The following NELL1 variants were observed in gnomAD, a reference collection of about 807,000 sequenced individuals.
The protein encoded by NELL1 is protein kinase C-binding protein NELL1.
A neutral mutation model predicts 107.4 loss-of-function variants in NELL1; 76 were observed. That is an observed-to-expected ratio of 0.71 (90% CI 0.59 to 0.86). The LOEUF (loss-of-function observed/expected upper bound fraction) is 0.86, where lower values mean the gene tolerates loss of function less well. Among genes scored for constraint, NELL1 ranks in the 40% least tolerant of loss-of-function variants. The pLI is 0.00. For synonymous variants in NELL1, 353 were observed against 341.2 expected, an observed-to-expected ratio of 1.03 and a Z score of -0.38; for missense variants, 1,024 against 1,005.5, an observed-to-expected ratio of 1.02 and a Z score of -0.25.
chr11:21,303,153 A>G (rs190498886), intron 14 of NELL1, among the ~76,000 whole-genome samples: 49 of 152,100 alleles, frequency 3.2e-4, no homozygotes, highest in Non-Finnish European at 6.8e-4. Context: ...ACATATATAG[A>G]TAGATAAATA....
At chr11:20,998,369 T>C (rs1019147727) in intron 12 of NELL1, among the ~76,000 whole-genome samples, 1 of 152,224 alleles carries the variant, frequency 6.6e-6, no homozygotes, top group African/African-American at 2.4e-5. Context: ...TAACATAAGC[T>C]TTTTTTCATT....
intron 13 of NELL1, among the ~76,000 whole-genome samples, chr11:21,184,322 G>T (rs147344475): frequency 0.014 from 2,111 of 151,878 alleles, 38 homozygotes; most frequent in Admixed American, 0.041. Flanking sequence ...AGGCTGGAGT[G>T]CAGTGGCACC....
In NELL1 at chr11:20,669,640, C is replaced by T. The variant is rs574830352; in HGVS notation, c.-84C>T. On this transcript the variant is annotated 5_prime_UTR_variant, in exon 1 of 20. Transcript: ENST00000357134. This position sits in a 1 kb window ranked among gnomAD's most constrained non-coding sequence, Gnocchi z 4.4. ...CGCCCGCTAGCAAGTTTGGCGGCTC[C>T]AAGCCAGGCGCGCCTCAGGATCCAG... The T allele has an allele frequency of 2.4e-6, 3 of 1,265,944 alleles. No individual in the cohort carries two copies. The highest frequency in any genetic ancestry group is 1.5e-5 in the African/African-American group (1 of 67,104). 78.4% of individuals were successfully genotyped at this position (1,265,944 alleles called of 1,614,324 possible). A position where few individuals can be genotyped will look rare whatever the true frequency, so the allele number is the denominator to read the frequency against.
chr11:21,106,709 A>G (rs1854978148), intron 12 of NELL1, among the ~76,000 whole-genome samples: 1 of 152,150 alleles, frequency 6.6e-6, no homozygotes, highest in Non-Finnish European at 1.5e-5. Flanking sequence ...TGGTTTGCAT[A>G]TATATTTTTT....
At chr11:20,793,908 A>C (rs550705336) in intron 3 of NELL1, among the ~76,000 whole-genome samples, 38 of 152,286 alleles carry the variant, frequency 2.5e-4, no homozygotes, top group African/African-American at 8.7e-4. Flanking sequence ...ATACATTTAA[A>C]AATAATGGAT....
At chr11:20,787,055 A>AAGAG (rs1366419576) in intron 3 of NELL1, among the ~76,000 whole-genome samples, 2 of 150,326 alleles carry the variant, frequency 1.3e-5, no homozygotes, top group African/African-American at 4.9e-5. Flanking sequence ...GTACACTTGC[A>AAGAG]AGAGAGCCAA....
intron 12 of NELL1, among the ~76,000 whole-genome samples, chr11:21,027,219 C>T (rs1416939691): frequency 1.3e-5 from 2 of 152,142 alleles, no homozygotes; most frequent in Non-Finnish European, 2.9e-5. Context: ...GCCAGTCTGT[C>T]TCACAGGGCA....
intron 14 of NELL1, among the ~76,000 whole-genome samples, chr11:21,339,467 C>T (rs1028807009): frequency 2.0e-5 from 3 of 152,226 alleles, no homozygotes; most frequent in Admixed American, 6.5e-5. Context: ...TTGTTTAAGA[C>T]ATTAAGTTTC....
chr11:20,927,588 T>C (rs1850528270), intron 8 of NELL1, 146 bp downstream of exon 8: 2 of 692,210 alleles, frequency 2.9e-6, no homozygotes, highest in East Asian at 3.0e-5. Context: ...ATACGAGCAA[T>C]TGTGAAGCAA....
chr11:21,401,624 T>A (rs1328654295), intron 15 of NELL1, among the ~76,000 whole-genome samples: 1 of 151,702 alleles, frequency 6.6e-6, no homozygotes, highest in Non-Finnish European at 1.5e-5. Context: ...ATCTGGCAGG[T>A]GGAAACATGT....
Position 20,858,859 on chromosome 11 carries a change from G to T in NELL1, c.506+11106G>T, listed in dbSNP as rs1452431496. Among the ~76,000 whole-genome samples, 3 of 152,304 alleles carry T rather than the reference G, an allele frequency of 2.0e-5. No homozygotes were observed. The East Asian group carries it at 5.8e-4, about 29-fold the overall frequency. ...TCCAGGGCACATGTGTACTGTCTGT[G>T]TGGCCTATTAGAAGCTCCCCTGTGA... On this transcript the variant is annotated intron_variant, in intron 4 of 19. Coordinates refer to ENST00000357134, the MANE Select transcript of NELL1 (RefSeq NM_006157.5).
At chr11:20,930,607 G>T (rs907333591) in intron 9 of NELL1, among the ~76,000 whole-genome samples, 1 of 151,976 alleles carries the variant, frequency 6.6e-6, no homozygotes, top group Non-Finnish European at 1.5e-5. Context: ...GAATTCTTCA[G>T]GCCAGAATTA....
chr11:20,762,189 C>A (rs896513039), intron 2 of NELL1, among the ~76,000 whole-genome samples: 1 of 152,148 alleles, frequency 6.6e-6, no homozygotes, highest in African/African-American at 2.4e-5. Flanking sequence ...GAAATGTGCT[C>A]ATTAAAAGAC....
At chr11:21,085,273 T>A (rs1201419972) in intron 12 of NELL1, among the ~76,000 whole-genome samples, 1 of 152,182 alleles carries the variant, frequency 6.6e-6, no homozygotes, top group African/African-American at 2.4e-5. Flanking sequence ...AACTCCATAC[T>A]TTCAGGATGA....
chr11:21,543,828 G>A (rs1192846259), intron 16 of NELL1, among the ~76,000 whole-genome samples: 2 of 151,892 alleles, frequency 1.3e-5, no homozygotes, highest in Middle Eastern at 3.2e-3. Flanking sequence ...ACTAGACTCG[G>A]GCATGAACCC....
chr11:20,978,411 T>A (rs1714104319), intron 12 of NELL1, among the ~76,000 whole-genome samples: 1 of 150,994 alleles, frequency 6.6e-6, no homozygotes, highest in Non-Finnish European at 1.5e-5. Context: ...TCAATCCTAA[T>A]CCAATATTAT....
intron 15 of NELL1, among the ~76,000 whole-genome samples, chr11:21,393,758 A>C (rs1851928063): frequency 6.6e-6 from 1 of 151,808 alleles, no homozygotes; most frequent in African/African-American, 2.4e-5. Context: ...GCAGTAGAGC[A>C]TGAGGGGAAC....
intron 12 of NELL1, among the ~76,000 whole-genome samples, chr11:21,064,845 G>T (rs1853830244): frequency 6.6e-6 from 1 of 152,004 alleles, no homozygotes; most frequent in African/African-American, 2.4e-5. Flanking sequence ...TAATAATTTT[G>T]CTTGTGAAAT....
intron 14 of NELL1, among the ~76,000 whole-genome samples, chr11:21,362,771 TA>T (rs1476558740): frequency 5.9e-5 from 9 of 151,664 alleles, no homozygotes; most frequent in Non-Finnish European, 1.3e-4. Context: ...TGTGTTAGGC[TA>T]CCAGGGTGGG....
Sources: allele counts gnomAD v4.1 joint callset (sites outside exome capture counted in the v4.1 genomes callset), GRCh38; gene constraint gnomAD v4.1.1; non-coding constraint Gnocchi (gnomAD v3.1); transcripts MANE v1.5; gene names NCBI Gene and HGNC (gene_info 2026-07-23, HGNC 2026-07-21).